Variants in ADAMTS20 observed in about 807,000 individuals in gnomAD.
The protein encoded by ADAMTS20 is ADAM metallopeptidase with thrombospondin type 1 motif 20.
ADAMTS20 carries 225 observed loss-of-function variants against 260.1 expected under a neutral mutation model. The observed-to-expected ratio is 0.87, with a 90% CI of 0.78 to 0.97. The LOEUF (loss-of-function observed/expected upper bound fraction) is 0.97, where lower values mean the gene tolerates loss of function less well. Among genes scored for constraint, ADAMTS20 ranks in the 50% least tolerant of loss-of-function variants. The probability of loss-of-function intolerance (pLI) is 0.00; values close to 1 mark genes in which losing one functional copy is unlikely to be tolerated. For missense variants in ADAMTS20, 2,400 were observed against 2,337.7 expected, an observed-to-expected ratio of 1.03 and a Z score of -0.55; for synonymous variants, 802 against 769.5, an observed-to-expected ratio of 1.04 and a Z score of -0.70.
intron 11 of ADAMTS20, among the ~76,000 whole-genome samples, chr12:43,455,431 C>T (rs1256820138): frequency 6.6e-6 from 1 of 152,158 alleles, no homozygotes; most frequent in Non-Finnish European, 1.5e-5. Context: ...CACACTGCAT[C>T]CTCTGTAGGG....
At chr12:43,403,607 G>GGGTAA (rs973482735) in intron 28 of ADAMTS20, among the ~76,000 whole-genome samples, 1 of 151,958 alleles carries the variant, frequency 6.6e-6, no homozygotes, top group African/African-American at 2.4e-5. Flanking sequence ...ATACATCTCT[G>GGGTAA]GGTAAAGGTA....
intron 2 of ADAMTS20, among the ~76,000 whole-genome samples, chr12:43,543,375 A>C (rs537890729): frequency 6.6e-6 from 1 of 152,276 alleles, no homozygotes; most frequent in South Asian, 2.1e-4. Context: ...AGTCTCCACA[A>C]TTCCTCTTCA....
chr12:43,392,135 C>T (rs1182096959), intron 29 of ADAMTS20, among the ~76,000 whole-genome samples: 1 of 152,022 alleles, frequency 6.6e-6, no homozygotes, highest in Non-Finnish European at 1.5e-5. Flanking sequence ...TTCATGTGCA[C>T]TTTGTGTATG....
intron 15 of ADAMTS20, among the ~76,000 whole-genome samples, chr12:43,444,909 C>T (rs1409060362): frequency 6.6e-6 from 1 of 152,134 alleles, no homozygotes; most frequent in Non-Finnish European, 1.5e-5. Context: ...TCTAAGGCAT[C>T]ACATTTTTAG....
intron 37 of ADAMTS20, among the ~76,000 whole-genome samples, chr12:43,357,707 C>G (rs1451081789): frequency 6.6e-6 from 1 of 152,144 alleles, no homozygotes; most frequent in African/African-American, 2.4e-5. Context: ...AGAATATGAA[C>G]TCTATGTCAG....
intron 4 of ADAMTS20, among the ~76,000 whole-genome samples, chr12:43,495,571 C>A (rs1457049741): frequency 6.6e-6 from 1 of 152,132 alleles, no homozygotes; most frequent in Non-Finnish European, 1.5e-5. Context: ...TTAATTATCA[C>A]AGTATGTCTA....
intron 16 of ADAMTS20, among the ~76,000 whole-genome samples, chr12:43,440,846 C>T (rs1416479919): frequency 6.6e-6 from 1 of 151,936 alleles, no homozygotes; most frequent in Non-Finnish European, 1.5e-5. Flanking sequence ...GGGCGGATCA[C>T]GAGGTCAGGA....
At chr12:43,415,359 T>TA (rs915146501) in intron 28 of ADAMTS20, among the ~76,000 whole-genome samples, 4 of 150,462 alleles carry the variant, frequency 2.7e-5, no homozygotes, top group Admixed American at 6.6e-5. Context: ...AAAGTTTGCT[T>TA]AAAAAAAAAG....
At chr12:43,468,329 G>C (rs1297451849) in intron 8 of ADAMTS20, among the ~76,000 whole-genome samples, 1 of 152,122 alleles carries the variant, frequency 6.6e-6, no homozygotes, top group African/African-American at 2.4e-5. Context: ...AGAGACAGAG[G>C]CCAGAAGTGC....
intron 10 of ADAMTS20, among the ~76,000 whole-genome samples, chr12:43,463,265 ATTAT>A (rs1565559526): frequency 6.6e-6 from 1 of 152,190 alleles, no homozygotes; most frequent in Non-Finnish European, 1.5e-5. Flanking sequence ...AATTTTCAAA[ATTAT>A]TTGAGATAGT....
At chr12:43,371,305 C>T (rs750355523) in intron 36 of ADAMTS20, among the ~76,000 whole-genome samples, 2 of 152,096 alleles carry the variant, frequency 1.3e-5, no homozygotes, top group Non-Finnish European at 2.9e-5. Context: ...TTCCTATAAA[C>T]CTCTTGAGAA....
intron 28 of ADAMTS20, among the ~76,000 whole-genome samples, chr12:43,409,845 C>G (rs1940999438): frequency 6.6e-6 from 1 of 151,900 alleles, no homozygotes; most frequent in South Asian, 2.1e-4. Flanking sequence ...GTAAGAATGA[C>G]AGGAATAAAC....
rs185256336 is a variant in ADAMTS20, at chr12:43,539,637, T to C, written c.454-7442A>G. ...AGCATTCTCTGCCTTCCTAGAAAACTAATTTTACCCATACTTATAAGAAGT... is the reference window on the plus strand; with the variant it reads ...AGCATTCTCTGCCTTCCTAGAAAACCAATTTTACCCATACTTATAAGAAGT... On this transcript the variant is annotated intron_variant, in intron 2 of 38. Coordinates refer to ENST00000389420, the MANE Select transcript of ADAMTS20 (RefSeq NM_025003.5). Among the ~76,000 whole-genome samples, 70 of 152,296 alleles carry C rather than the reference T, an allele frequency of 4.6e-4. No homozygotes were observed. The East Asian group carries it at 0.011, about 24-fold the overall frequency.
rs147531469 is a variant in ADAMTS20 at position 43,551,415 on chromosome 12, G to GCACA, written c.92-149_92-146dup. 2 of 1,114,696 alleles carry GCACA rather than the reference G, an allele frequency of 1.8e-6. No individual in the cohort carries two copies. Among genetic ancestry groups the GCACA allele is most frequent in the Non-Finnish European group, 2.5e-6 (2 of 809,218 alleles). The allele number at this position is 1,114,696 out of a possible 1,614,324, so 69.1% of individuals were successfully genotyped here. On this transcript the variant is annotated intron_variant, in intron 1 of 38. Coordinates refer to ENST00000389420, the MANE Select transcript of ADAMTS20 (RefSeq NM_025003.5). The surrounding 1 kb of genome is among the most constrained non-coding windows in gnomAD (Gnocchi z 4.6). ...CAAATGCACACATGCTGATGCGCAC[G>GCACA]CACACACACACACGTGCACTGGGAC... is the stretch of plus-strand genomic sequence containing the variant.
intron 19 of ADAMTS20, among the ~76,000 whole-genome samples, chr12:43,433,529 C>T (rs747012537): frequency 4.6e-5 from 7 of 152,088 alleles, no homozygotes; most frequent in South Asian, 4.2e-4. Flanking sequence ...ATGCCTTCAA[C>T]CAACATCATA....
rs374336572 is a variant in ADAMTS20, at chr12:43,383,583, A to G, written c.4772T>C (p.Ile1591Thr). The G allele has an allele frequency of 5.9e-5, 95 of 1,613,046 alleles. No individual in the cohort carries two copies. The highest frequency in any genetic ancestry group is 7.6e-5 in the Non-Finnish European group (90 of 1,179,454). ...CTGTGATGAGTCTGCTGTTACCACAATGTAATTGCAAGGAGGGTTCCTGCA... is the reference window on the plus strand; with the variant it reads ...CTGTGATGAGTCTGCTGTTACCACAGTGTAATTGCAAGGAGGGTTCCTGCA... ...KNCRNPPCNY[I>T]VVTADSSQCA... is the part of the protein sequence containing the mutation. The change falls in exon 31 of 39, where the codon ATT becomes ACT. Residue 1591 changes from isoleucine (I) to threonine (T), a missense_variant. Transcript: ENST00000389420.
intron 6 of ADAMTS20, among the ~76,000 whole-genome samples, chr12:43,491,745 T>C (rs1476075315): frequency 3.3e-5 from 5 of 152,072 alleles, no homozygotes; most frequent in Admixed American, 2.6e-4. Context: ...GAGGAACAGA[T>C]AAACAGATTT....
chr12:43,383,258 G>A (rs944587716), intron 31 of ADAMTS20, among the ~76,000 whole-genome samples: 4 of 152,050 alleles, frequency 2.6e-5, no homozygotes, highest in African/African-American at 7.3e-5. Flanking sequence ...ATTACACCTC[G>A]ATAAAGCCAT....
intron 14 of ADAMTS20, 116 bp downstream of exon 14, chr12:43,452,158 G>T: frequency 9.1e-7 from 1 of 1,095,492 alleles, no homozygotes; most frequent in Non-Finnish European, 1.3e-6. Context: ...TTGCTTTGTT[G>T]GAATGCATAA....
Sources: gnomAD v4.1 joint callset for allele counts (sites outside exome capture counted in the v4.1 genomes callset) on GRCh38, gnomAD v4.1.1 for gene constraint, Gnocchi (gnomAD v3.1) non-coding constraint, MANE v1.5 for transcripts, NCBI Gene and HGNC (gene_info 2026-07-23, HGNC 2026-07-21) for gene names.